The following TBC1D5 variants were observed in gnomAD, a reference collection of about 807,000 sequenced individuals.
The protein encoded by TBC1D5 is TBC1 domain family, member 5.
TBC1D5 carries 75 observed loss-of-function variants against 100.3 expected under a neutral mutation model. That is an observed-to-expected ratio of 0.75 (90% CI 0.62 to 0.91). TBC1D5 has a LOEUF of 0.91. TBC1D5 is among the 40% of genes least tolerant of loss of function. TBC1D5 has a pLI of 0.00. For synonymous variants in TBC1D5, 323 were observed against 325.6 expected (o/e 0.99, Z 0.09); for missense variants, 910 against 942.4 (o/e 0.97, Z 0.45).
intron 13 of TBC1D5, among the ~76,000 whole-genome samples, chr3:17,363,568 C>G (rs1378482936): frequency 6.7e-6 from 1 of 150,074 alleles, no homozygotes; most frequent in East Asian, 1.9e-4. Flanking sequence ...CTTTTTCTTT[C>G]TTTTTTTATT....
rs1307795777 is a variant in TBC1D5 at position 17,540,033 on chromosome 3, TC to T, written c.-35-31429del. Among the ~76,000 whole-genome samples, 5 of 152,348 alleles carry T rather than the reference TC, an allele frequency of 3.3e-5. No individual in the cohort carries two copies. The East Asian group carries it at 9.6e-4, about 29-fold the overall frequency. ...TATTGTTTGATGTTGATAGTAGCCA[TC>T]CTAATGGGTGTAAGGTGGTATTTCA... On this transcript the variant is annotated intron_variant, in intron 2 of 21. Coordinates refer to ENST00000253692, the Ensembl canonical transcript of TBC1D5.
At chr3:17,674,524 A>C (rs2068376655) in intron 1 of TBC1D5, among the ~76,000 whole-genome samples, 1 of 152,164 alleles carries the variant, frequency 6.6e-6, no homozygotes, top group South Asian at 2.1e-4. Flanking sequence ...CAATATTGTA[A>C]TTTATCTCAT....
intron 3 of TBC1D5, among the ~76,000 whole-genome samples, chr3:17,460,072 C>T (rs532553793): frequency 2.6e-5 from 4 of 152,268 alleles, no homozygotes; most frequent in South Asian, 4.1e-4. Context: ...CTTTTCAGTA[C>T]GCACTGTTTC....
intron 9 of TBC1D5, 55 bp from the exon 10 acceptor site, chr3:17,376,668 G>A: frequency 1.3e-6 from 2 of 1,506,198 alleles, no homozygotes; most frequent in Non-Finnish European, 1.8e-6. Flanking sequence ...GTCCATTAGT[G>A]GACAGTATAA....
At chr3:17,485,604 T>C (rs889759004) in intron 3 of TBC1D5, among the ~76,000 whole-genome samples, 18 of 151,818 alleles carry the variant, frequency 1.2e-4, no homozygotes, top group African/African-American at 4.4e-4. Flanking sequence ...TGGTTTTTTG[T>C]CCTTGCAATA....
intron 2 of TBC1D5, among the ~76,000 whole-genome samples, chr3:17,569,075 A>G (rs116001429): frequency 2.0e-5 from 3 of 151,884 alleles, no homozygotes; most frequent in African/African-American, 7.2e-5. Context: ...AATACCCACA[A>G]AAAGAGAACA....
chr3:17,400,519 T>C lies in TBC1D5; in HGVS notation c.509+2662A>G, dbSNP rs1201205792. Among the ~76,000 whole-genome samples the C allele has an allele frequency of 2.0e-5, 3 of 152,090 alleles. No individual in the cohort carries two copies. In the South Asian group the frequency reaches 6.2e-4, roughly 32 times the overall value. On this transcript the variant is annotated intron_variant, in intron 8 of 21. Transcript: ENST00000253692. ...CTTAATCTAAATGTGGAGAGAGCCA[T>C]GGGAGAGTCTTCAAGAGAATAAGAT...
At chr3:17,722,802 G>C (rs1387266211) in intron 1 of TBC1D5, among the ~76,000 whole-genome samples, 1 of 152,164 alleles carries the variant, frequency 6.6e-6, no homozygotes, top group Non-Finnish European at 1.5e-5. Flanking sequence ...TAACTTTAAG[G>C]TCTGTTTGCT....
chr3:17,453,079 T>TAAAAAA (rs570210975), intron 3 of TBC1D5, among the ~76,000 whole-genome samples: 25 of 81,872 alleles, frequency 3.1e-4, no homozygotes, highest in East Asian at 1.1e-3. Context: ...AATGAAGAAA[T>TAAAAAA]AAAAAAAAAA....
chr3:17,303,068 C>T (rs1225882648), intron 14 of TBC1D5, among the ~76,000 whole-genome samples: 2 of 152,198 alleles, frequency 1.3e-5, no homozygotes, highest in African/African-American at 4.8e-5. Context: ...TCCTGACCTC[C>T]CATGCAACTC....
intron 3 of TBC1D5, among the ~76,000 whole-genome samples, chr3:17,474,505 C>G (rs2150185545): frequency 6.6e-6 from 1 of 151,406 alleles, no homozygotes; most frequent in Admixed American, 6.6e-5. Flanking sequence ...AATCAATTCT[C>G]TATCCAAAAG....
intron 1 of TBC1D5, among the ~76,000 whole-genome samples, chr3:17,731,524 A>G (rs926297223): frequency 3.5e-5 from 5 of 142,730 alleles, no homozygotes; most frequent in Non-Finnish European, 6.1e-5. Flanking sequence ...AAAAAAAAAA[A>G]GAGGGTGTCA....
At chr3:17,180,916 C>CAAAAAAA (rs76797012) in intron 19 of TBC1D5, among the ~76,000 whole-genome samples, 3 of 96,172 alleles carry the variant, frequency 3.1e-5, no homozygotes, top group African/African-American at 7.7e-5. Context: ...ACATTTACAC[C>CAAAAAAA]AAAAAAAAAA....
In TBC1D5 at chr3:17,728,675, G is replaced by GA. The variant is rs553811142; in HGVS notation, c.-101+10667dup. Among the ~76,000 whole-genome samples the GA allele has an allele frequency of 1.2e-3, 186 of 149,352 alleles. 1 individual carries two copies. Among genetic ancestry groups the GA allele is most frequent in the African/African-American group, 4.1e-3 (169 of 40,744 alleles). ...TGCTACAAAAGTTGTCGAGCCATTT[G>GA]AAAAAAAAATAAATTTGGTTCCTTA... is the stretch of plus-strand genomic sequence containing the variant. On this transcript the variant is annotated intron_variant, in intron 1 of 21. Transcript: ENST00000253692.
chr3:17,589,998 T>C (rs2096756266), intron 2 of TBC1D5, among the ~76,000 whole-genome samples: 2 of 152,124 alleles, frequency 1.3e-5, no homozygotes, highest in South Asian at 4.1e-4. Context: ...TGGGAAGTAT[T>C]CCAGTATGGG....
chr3:17,204,028 A>G (rs1031314944), intron 18 of TBC1D5, among the ~76,000 whole-genome samples: 5 of 152,214 alleles, frequency 3.3e-5, no homozygotes, highest in African/African-American at 1.2e-4. Flanking sequence ...ACAGGCCTAG[A>G]ATTTCTATGA....
intron 16 of TBC1D5, among the ~76,000 whole-genome samples, chr3:17,246,823 T>C (rs1289859491): frequency 6.6e-6 from 1 of 152,170 alleles, no homozygotes; most frequent in East Asian, 1.9e-4. Flanking sequence ...GACTGTACAG[T>C]AAAGGGTTAA....
intron 1 of TBC1D5, among the ~76,000 whole-genome samples, chr3:17,731,311 G>A (rs1429783008): frequency 2.6e-5 from 4 of 152,000 alleles, no homozygotes; most frequent in South Asian, 2.1e-4. Flanking sequence ...GACCATCCTC[G>A]CCAACATGGT....
intron 1 of TBC1D5, among the ~76,000 whole-genome samples, chr3:17,715,609 C>T (rs1198857358): frequency 6.6e-6 from 1 of 152,098 alleles, no homozygotes; most frequent in Non-Finnish European, 1.5e-5. Flanking sequence ...GAGTTCACAA[C>T]GAGCCTGGGC....
Sources: allele counts gnomAD v4.1 joint callset (sites outside exome capture counted in the v4.1 genomes callset), GRCh38; gene constraint gnomAD v4.1.1; transcripts MANE v1.5; gene names NCBI Gene and HGNC (gene_info 2026-07-23, HGNC 2026-07-21).